PLPP4: variants seen among roughly 807,000 people sequenced by gnomAD.
PLPP4 encodes diacylglycerol pyrophosphate like 2.
A neutral mutation model predicts 32.2 loss-of-function variants in PLPP4; 20 were observed. The observed-to-expected ratio is 0.62, with a 90% CI of 0.44 to 0.90. The LOEUF (loss-of-function observed/expected upper bound fraction) is 0.90. Ranked by LOEUF, PLPP4 falls within the 40% of genes least tolerant of loss-of-function variation. PLPP4 has a pLI of 0.00. For synonymous variants in PLPP4, 127 were observed against 133.0 expected, an observed-to-expected ratio of 0.95 and a Z score of 0.31; for missense variants, 257 against 353.1, an observed-to-expected ratio of 0.73 and a Z score of 2.18.
intron 2 of PLPP4, among the ~76,000 whole-genome samples, chr10:120,507,328 ACTT>A: frequency 6.6e-6 from 1 of 151,288 alleles, no homozygotes; most frequent in African/African-American, 2.4e-5. Flanking sequence ...GCTCAGGTAA[ACTT>A]CTAGGGAAGT....
chr10:120,461,529 C>T (rs1848046752), intron 1 of PLPP4, among the ~76,000 whole-genome samples: 1 of 152,116 alleles, frequency 6.6e-6, no homozygotes, highest in Non-Finnish European at 1.5e-5. Context: ...TGCAGGGTCC[C>T]CCTAGGAGCT....
intron 1 of PLPP4, among the ~76,000 whole-genome samples, chr10:120,496,546 G>T (rs964404112): frequency 1.3e-5 from 2 of 152,270 alleles, no homozygotes; most frequent in South Asian, 4.2e-4. Context: ...GAGTGCAGTG[G>T]CAAGCTCATG....
chr10:120,576,946 A>C (rs1437757622), intron 6 of PLPP4, among the ~76,000 whole-genome samples: 1 of 152,214 alleles, frequency 6.6e-6, no homozygotes, highest in Non-Finnish European at 1.5e-5. Context: ...TTACGGGCCA[A>C]ATGGCCTTTT....
At chr10:120,557,210 G>A (rs532854054) in intron 5 of PLPP4, among the ~76,000 whole-genome samples, 18 of 152,258 alleles carry the variant, frequency 1.2e-4, no homozygotes, top group African/African-American at 4.3e-4. Context: ...TCACCCTCAA[G>A]AAATAGCTGC....
chr10:120,470,221 G>A (rs796333867), intron 1 of PLPP4, among the ~76,000 whole-genome samples: 9 of 152,306 alleles, frequency 5.9e-5, no homozygotes, highest in African/African-American at 2.2e-4. Context: ...CGTTTCACAA[G>A]CGTATTGGCA....
At chr10:120,479,330 T>C (rs910885237) in intron 1 of PLPP4, among the ~76,000 whole-genome samples, 1 of 152,118 alleles carries the variant, frequency 6.6e-6, no homozygotes, top group Non-Finnish European at 1.5e-5. Context: ...TGATTTACAT[T>C]CCTCCCAGCA....
intron 2 of PLPP4, among the ~76,000 whole-genome samples, chr10:120,508,088 A>G (rs1845579506): frequency 1.3e-5 from 2 of 152,176 alleles, no homozygotes; most frequent in Non-Finnish European, 2.9e-5. Context: ...ACATTCTCAT[A>G]GACTATTACT....
chr10:120,531,793 C>A (rs12768425), intron 5 of PLPP4, among the ~76,000 whole-genome samples: 65,359 of 151,572 alleles, frequency 0.43, 15,025 homozygotes, highest in East Asian at 0.6. Context: ...GTGTTCCTAT[C>A]CTTAATCAAG....
chr10:120,528,373 C>T (rs1200806464), intron 5 of PLPP4, among the ~76,000 whole-genome samples: 1 of 152,144 alleles, frequency 6.6e-6, no homozygotes, highest in Non-Finnish European at 1.5e-5. Context: ...CACGCCCGGC[C>T]GCCACTCTCC....
chr10:120,492,412 A>G (rs1844763734), intron 1 of PLPP4, among the ~76,000 whole-genome samples: 1 of 152,206 alleles, frequency 6.6e-6, no homozygotes, highest in African/African-American at 2.4e-5. Context: ...CATAGCAGCC[A>G]TGTTTGAATG....
chr10:120,525,140 A>G (rs1415916036), intron 5 of PLPP4, among the ~76,000 whole-genome samples: 1 of 152,170 alleles, frequency 6.6e-6, no homozygotes, highest in Non-Finnish European at 1.5e-5. Context: ...CATGTTGTCT[A>G]TGGCCTCTTT....
chr10:120,541,154 A>G (rs1202525875), intron 5 of PLPP4, among the ~76,000 whole-genome samples: 2 of 152,212 alleles, frequency 1.3e-5, no homozygotes, highest in Admixed American at 6.5e-5. Flanking sequence ...GTATTTAAGT[A>G]TGTTTCTATA....
chr10:120,509,623 C>T (rs926399678), intron 2 of PLPP4, among the ~76,000 whole-genome samples: 6 of 152,042 alleles, frequency 3.9e-5, no homozygotes, highest in African/African-American at 1.4e-4. Context: ...AGCATGGCAA[C>T]CCAGTCTGGG....
chr10:120,487,434 C>G (rs557989810), intron 1 of PLPP4, among the ~76,000 whole-genome samples: 7 of 152,178 alleles, frequency 4.6e-5, no homozygotes, highest in Non-Finnish European at 1.0e-4. Context: ...AGAACTGATT[C>G]ATTTTAAGAC....
chr10:120,518,197 T>C (rs1337406789), intron 3 of PLPP4, among the ~76,000 whole-genome samples: 1 of 152,228 alleles, frequency 6.6e-6, no homozygotes, highest in African/African-American at 2.4e-5. Context: ...GTCCCTGTGC[T>C]CTGTATGGTC....
Position 120,509,032 on chromosome 10 carries a change from A to G in PLPP4, c.166-4879A>G, listed in dbSNP as rs575735313. Reference sequence around the variant, plus strand: ...CTCCCAGCTTTGCCATTCACTAGCTATGCAAATTTGGAAGATCACCTCCCC... The same window carrying G: ...CTCCCAGCTTTGCCATTCACTAGCTGTGCAAATTTGGAAGATCACCTCCCC... On this transcript the variant is annotated intron_variant, in intron 2 of 6. Coordinates refer to ENST00000398250, the MANE Select transcript of PLPP4 (RefSeq NM_001030059.3). 9.2e-5 allele frequency among the ~76,000 whole-genome samples: 14 copies of G among 152,318 alleles called. No homozygotes were observed. In the South Asian group the frequency reaches 1.9e-3, roughly 20 times the overall value.
intron 5 of PLPP4, among the ~76,000 whole-genome samples, chr10:120,560,306 T>C (rs1273249390): frequency 7.2e-6 from 1 of 138,608 alleles, no homozygotes; most frequent in South Asian, 2.3e-4. Flanking sequence ...TCAAGATGAA[T>C]GAATCGAGCC....
intron 1 of PLPP4, among the ~76,000 whole-genome samples, chr10:120,463,722 G>A (rs1007898376): frequency 5.9e-5 from 9 of 152,298 alleles, no homozygotes; most frequent in African/African-American, 2.2e-4. Flanking sequence ...GTCTCTCTCT[G>A]TTGCCCAGGC....
chr10:120,467,005 A>G (rs1276108419), intron 1 of PLPP4, among the ~76,000 whole-genome samples: 7 of 152,226 alleles, frequency 4.6e-5, no homozygotes, highest in African/African-American at 1.7e-4. Flanking sequence ...GCCTTCAACT[A>G]GGATTTAGAA....
Sources: allele counts gnomAD v4.1 joint callset (sites outside exome capture counted in the v4.1 genomes callset), GRCh38; gene constraint gnomAD v4.1.1; transcripts MANE v1.5; gene names NCBI Gene and HGNC (gene_info 2026-07-23, HGNC 2026-07-21).